SGCZ: variants seen among roughly 807,000 people sequenced by gnomAD.
SGCZ encodes the protein sarcoglycan zeta.
A neutral mutation model predicts 41.3 loss-of-function variants in SGCZ; 40 were observed. The observed-to-expected ratio is 0.97, with a 90% confidence interval of 0.75 to 1.26. SGCZ has a LOEUF of 1.26. Ranked by LOEUF, SGCZ falls within the 50% of genes most tolerant of loss-of-function variation. The probability of loss-of-function intolerance (pLI) is 0.00; values close to 1 mark genes in which losing one functional copy is unlikely to be tolerated. For synonymous variants in SGCZ, 206 were observed against 137.5 expected (o/e 1.50, Z -3.49); for missense variants, 552 against 369.8 (o/e 1.49, Z -4.04).
Position 14,867,620 on chromosome 8 carries a change from T to C in SGCZ, c.40-312694A>G, listed in dbSNP as rs1423199979. Among the ~76,000 whole-genome samples the C allele has an allele frequency of 3.3e-5, 5 of 152,050 alleles. No individual in the cohort carries two copies. In the East Asian group the frequency reaches 9.7e-4, roughly 29 times the overall value. On this transcript the variant is annotated intron_variant, in intron 1 of 7. Coordinates refer to ENST00000382080, the MANE Select transcript of SGCZ (RefSeq NM_139167.4). ...ACAACCTCGCCAGCATCTGTTATTT[T>C]TTGACTGTTTAATATGAGCCATTAT...
chr8:14,648,247 G>A (rs774543759), intron 1 of SGCZ, among the ~76,000 whole-genome samples: 90 of 152,070 alleles, frequency 5.9e-4, no homozygotes, highest in African/African-American at 2.1e-3. Flanking sequence ...TAGTACTATC[G>A]GTAACCAAGG....
intron 1 of SGCZ, among the ~76,000 whole-genome samples, chr8:14,933,140 A>G (rs1354351716): frequency 6.6e-6 from 1 of 152,014 alleles, no homozygotes; most frequent in Non-Finnish European, 1.5e-5. Context: ...TGTTTGGCTC[A>G]CTACGTCGGT....
chr8:14,518,147 C>A (rs1802680248), intron 2 of SGCZ, among the ~76,000 whole-genome samples: 1 of 151,824 alleles, frequency 6.6e-6, no homozygotes, highest in Admixed American at 6.6e-5. Flanking sequence ...AAATATATTT[C>A]ATCCCAGTAA....
At chr8:14,329,509 G>A (rs904794431) in intron 2 of SGCZ, among the ~76,000 whole-genome samples, 1 of 152,052 alleles carries the variant, frequency 6.6e-6, no homozygotes, top group African/African-American at 2.4e-5. Context: ...CACTATGACA[G>A]TTCAAGATCA....
At chr8:15,206,062 C>A (rs1228917805) in intron 1 of SGCZ, among the ~76,000 whole-genome samples, 3 of 151,944 alleles carry the variant, frequency 2.0e-5, no homozygotes, top group Non-Finnish European at 4.4e-5. Context: ...GGAGCAGAAA[C>A]AAAATAACTA....
chr8:14,981,417 A>T (rs547527510), intron 1 of SGCZ, among the ~76,000 whole-genome samples: 1 of 152,340 alleles, frequency 6.6e-6, no homozygotes, highest in South Asian at 2.1e-4. Context: ...TCAACTGGTA[A>T]AATTTTCATG....
intron 3 of SGCZ, among the ~76,000 whole-genome samples, chr8:14,315,505 A>G (rs1801685717): frequency 6.6e-6 from 1 of 152,112 alleles, no homozygotes; most frequent in Admixed American, 6.6e-5. Context: ...AAACAGTCAA[A>G]GCAAAGTTAA....
chr8:14,928,309 G>A (rs781651432), intron 1 of SGCZ, among the ~76,000 whole-genome samples: 5 of 152,230 alleles, frequency 3.3e-5, no homozygotes, highest in Non-Finnish European at 5.9e-5. Flanking sequence ...CATACTCAAC[G>A]TCAAATATGC....
intron 4 of SGCZ, among the ~76,000 whole-genome samples, chr8:14,212,545 G>A (rs1009733830): frequency 2.0e-5 from 3 of 150,160 alleles, no homozygotes; most frequent in Admixed American, 1.3e-4. Context: ...CACAAAGTAG[G>A]CCATAGCCTA....
intron 3 of SGCZ, among the ~76,000 whole-genome samples, chr8:14,289,576 T>A (rs1431780729): frequency 1.3e-5 from 2 of 152,114 alleles, no homozygotes; most frequent in African/African-American, 4.8e-5. Context: ...CAACTGACCA[T>A]TGGTCTATGT....
intron 2 of SGCZ, among the ~76,000 whole-genome samples, chr8:14,514,591 T>C (rs1802557187): frequency 6.6e-6 from 1 of 150,598 alleles, no homozygotes; most frequent in Admixed American, 6.7e-5. Context: ...ATATTACATT[T>C]ATATAAATAT....
At chr8:14,829,420 T>A (rs1802449710) in intron 1 of SGCZ, among the ~76,000 whole-genome samples, 1 of 152,224 alleles carries the variant, frequency 6.6e-6, no homozygotes, top group South Asian at 2.1e-4. Context: ...ATATAAAGTG[T>A]ATATTATTTT....
At chr8:14,984,843 G>A (rs1028252527) in intron 1 of SGCZ, among the ~76,000 whole-genome samples, 1 of 151,952 alleles carries the variant, frequency 6.6e-6, no homozygotes, top group African/African-American at 2.4e-5. Flanking sequence ...TTGTGTTTTG[G>A]GACGTTTTCA....
intron 2 of SGCZ, among the ~76,000 whole-genome samples, chr8:14,341,844 T>C (rs190112116): frequency 6.6e-6 from 1 of 152,356 alleles, no homozygotes; most frequent in East Asian, 1.9e-4. Context: ...GCCATGATTC[T>C]GAAGCCTCCC....
At chr8:14,551,244 G>T (rs938767132) in intron 2 of SGCZ, among the ~76,000 whole-genome samples, 3 of 145,946 alleles carry the variant, frequency 2.1e-5, no homozygotes, top group African/African-American at 7.5e-5. Flanking sequence ...AATATAGAAA[G>T]AATTTATTTA....
At chr8:14,504,770 T>G (rs189551747) in intron 2 of SGCZ, among the ~76,000 whole-genome samples, 1 of 152,180 alleles carries the variant, frequency 6.6e-6, no homozygotes, top group Non-Finnish European at 1.5e-5. Flanking sequence ...GAAGAGGTCC[T>G]AGCCTGTTTC....
intron 3 of SGCZ, among the ~76,000 whole-genome samples, chr8:14,313,305 G>C (rs1410662753): frequency 6.6e-6 from 1 of 152,044 alleles, no homozygotes. Flanking sequence ...CCCCAGGGCT[G>C]ATTTTTTAAA....
intron 7 of SGCZ, among the ~76,000 whole-genome samples, chr8:14,100,151 G>C (rs1801968842): frequency 6.6e-6 from 1 of 151,666 alleles, no homozygotes; most frequent in African/African-American, 2.4e-5. Context: ...TTTAAGTGCT[G>C]TGCCTTTCTG....
intron 1 of SGCZ, among the ~76,000 whole-genome samples, chr8:14,811,572 T>C (rs1365840759): frequency 7.0e-6 from 1 of 143,408 alleles, no homozygotes; most frequent in Non-Finnish European, 1.5e-5. Context: ...CTCCTTATAG[T>C]TGTTATGGGA....
Sources: allele counts gnomAD v4.1 joint callset (sites outside exome capture counted in the v4.1 genomes callset), GRCh38; gene constraint gnomAD v4.1.1; transcripts MANE v1.5; gene names NCBI Gene and HGNC (gene_info 2026-07-23, HGNC 2026-07-21).